The following TMEM114 variants were observed in gnomAD, a reference collection of about 807,000 sequenced individuals.
TMEM114 encodes the protein claudin-26.
A neutral mutation model predicts 6.2 loss-of-function variants in TMEM114; 6 were observed. That is an observed-to-expected ratio of 0.97 (90% CI 0.53 to 1.91). TMEM114 has a LOEUF of 1.91. Ranked by LOEUF, TMEM114 falls within the 40% of genes most tolerant of loss-of-function variation. TMEM114 has a pLI of 0.01. For missense variants in TMEM114, 218 were observed against 158.3 expected (o/e 1.38, Z -2.02); for synonymous variants, 104 against 73.0 (o/e 1.42, Z -2.16).
chr16:8,541,350 A>C (rs1028222081), intron 2 of TMEM114, among the ~76,000 whole-genome samples: 4 of 152,180 alleles, frequency 2.6e-5, no homozygotes, highest in African/African-American at 9.7e-5. Context: ...GGGTTACATT[A>C]TTAATAATAC....
intron 2 of TMEM114, among the ~76,000 whole-genome samples, chr16:8,538,047 C>G (rs1415004500): frequency 6.9e-6 from 1 of 145,822 alleles, no homozygotes; most frequent in African/African-American, 2.6e-5. Flanking sequence ...ACCTGTAATC[C>G]TGGCACTTTG....
At chr16:8,541,179 C>G (rs1400998363) in intron 2 of TMEM114, among the ~76,000 whole-genome samples, 1 of 152,086 alleles carries the variant, frequency 6.6e-6, no homozygotes, top group Admixed American at 6.5e-5. Context: ...ATGACAATAC[C>G]ATGAAGTTGG....
At chr16:8,544,641 A>G (rs1900606666) in intron 2 of TMEM114, among the ~76,000 whole-genome samples, 1 of 152,220 alleles carries the variant, frequency 6.6e-6, no homozygotes, top group South Asian at 2.1e-4. Context: ...CCTACAGGCC[A>G]CTGGTCTATA....
chr16:8,539,761 A>C (rs951296019), intron 2 of TMEM114, among the ~76,000 whole-genome samples: 3 of 152,210 alleles, frequency 2.0e-5, no homozygotes, highest in African/African-American at 7.2e-5. Context: ...AAACTAAAAA[A>C]GAAAAAAAAA....
chr16:8,547,634 A>G (rs1596469476), intron 2 of TMEM114, among the ~76,000 whole-genome samples: 1 of 151,300 alleles, frequency 6.6e-6, no homozygotes, highest in African/African-American at 2.4e-5. Flanking sequence ...CTTGTGATCC[A>G]CCCGCCTCGG....
chr16:8,543,831 A>G (rs555805771), intron 2 of TMEM114, among the ~76,000 whole-genome samples: 2 of 152,350 alleles, frequency 1.3e-5, no homozygotes, highest in East Asian at 3.9e-4. Flanking sequence ...TGAAGAATGA[A>G]CAAATAAATA....
rs529309282 is a variant in TMEM114, at chr16:8,558,674, T to C, written n.213-20848A>G. 3.9e-5 allele frequency among the ~76,000 whole-genome samples: 6 copies of C among 152,080 alleles called. No homozygotes were observed. The East Asian group carries it at 1.2e-3, about 29-fold the overall frequency. ...GCAACTACAACACCCACCCTGAGCA[T>C]TTCACCCCACCTCTCAGGGCCCCAT... On this transcript the variant is annotated intron_variant and non_coding_transcript_variant, in intron 2 of 2. Coordinates refer to the TMEM114 transcript ENST00000623677.
chr16:8,528,308 A>C, the TMEM114 span, among the ~76,000 whole-genome samples: 1 of 152,186 alleles, frequency 6.6e-6, no homozygotes, highest in African/African-American at 2.4e-5. Flanking sequence ...GTTCTGATAA[A>C]GGAGGAAGAT....
intron 2 of TMEM114, among the ~76,000 whole-genome samples, chr16:8,552,105 C>A (rs188340418): frequency 6.6e-6 from 1 of 151,892 alleles, no homozygotes; most frequent in African/African-American, 2.4e-5. Flanking sequence ...CCAGGCACAG[C>A]GGCTCACACC....
chr16:8,564,753 ATGAG>A (rs796814146), downstream of TMEM114, among the ~76,000 whole-genome samples: 2 of 112,900 alleles, frequency 1.8e-5, no homozygotes, highest in South Asian at 5.7e-4. Context: ...GAATGAGTGA[ATGAG>A]TGAGTGAATG....
At chr16:8,555,874 T>A (rs1443193527) in intron 2 of TMEM114, among the ~76,000 whole-genome samples, 4 of 152,188 alleles carry the variant, frequency 2.6e-5, no homozygotes. Context: ...CAAATGTCAC[T>A]AGTACCAAGG....
At chr16:8,568,946 C>G (rs923648508), downstream of TMEM114, among the ~76,000 whole-genome samples, 2 of 152,260 alleles carry the variant, frequency 1.3e-5, no homozygotes, top group Non-Finnish European at 2.9e-5. Context: ...TTTATGCAAA[C>G]AGTGGCTCTG....
chr16:8,539,185 G>A (rs537918444), intron 2 of TMEM114, among the ~76,000 whole-genome samples: 3 of 152,238 alleles, frequency 2.0e-5, no homozygotes, highest in Admixed American at 1.3e-4. Flanking sequence ...CCTGGTGTGC[G>A]GTGCTGAATA....
At chr16:8,542,377 C>T (rs1485956046) in intron 2 of TMEM114, among the ~76,000 whole-genome samples, 1 of 152,074 alleles carries the variant, frequency 6.6e-6, no homozygotes, top group Non-Finnish European at 1.5e-5. Context: ...TTAAAGAAAC[C>T]CAGATAAGGA....
At chr16:8,547,523 G>A (rs1000006730) in intron 2 of TMEM114, among the ~76,000 whole-genome samples, 3 of 151,460 alleles carry the variant, frequency 2.0e-5, no homozygotes, top group African/African-American at 7.3e-5. Flanking sequence ...CTCCAGAGTG[G>A]CTGGGATTAC....
chr16:8,557,845 T>A (rs1362473512), intron 2 of TMEM114, among the ~76,000 whole-genome samples: 2 of 152,208 alleles, frequency 1.3e-5, no homozygotes, highest in Non-Finnish European at 2.9e-5. Context: ...TTTAAAATAA[T>A]CTTGTGATAT....
At chr16:8,539,507 C>A (rs1434511136) in intron 2 of TMEM114, among the ~76,000 whole-genome samples, 2 of 152,170 alleles carry the variant, frequency 1.3e-5, no homozygotes, top group South Asian at 2.1e-4. Flanking sequence ...ATCTTCCCTG[C>A]AGGCTCACAC....
intron 2 of TMEM114, among the ~76,000 whole-genome samples, chr16:8,542,509 G>C (rs1200517895): frequency 6.6e-6 from 1 of 152,172 alleles, no homozygotes; most frequent in African/African-American, 2.4e-5. Context: ...GCCTGATTGA[G>C]CTAGACCTGC....
chr16:8,561,984 G>C (rs1303912049), intron 2 of TMEM114, among the ~76,000 whole-genome samples: 1 of 151,116 alleles, frequency 6.6e-6, no homozygotes, highest in African/African-American at 2.4e-5. Flanking sequence ...GAGTGAATGA[G>C]TGAGTATATG....
Sources: gnomAD v4.1 joint callset for allele counts (sites outside exome capture counted in the v4.1 genomes callset) on GRCh38, gnomAD v4.1.1 for gene constraint, MANE v1.5 for transcripts, NCBI Gene and HGNC (gene_info 2026-07-23, HGNC 2026-07-21) for gene names.